DPP10: variants seen among roughly 807,000 people sequenced by gnomAD.
The protein encoded by DPP10 is dipeptidyl peptidase like 10, also known as inactive dipeptidyl peptidase 10.
In DPP10, 33 loss-of-function variants were observed where a neutral mutation model predicts 120.9. That is an observed-to-expected ratio of 0.27 (90% CI 0.21 to 0.37). The LOEUF (loss-of-function observed/expected upper bound fraction) is 0.37, where lower values mean the gene tolerates loss of function less well. Ranked by LOEUF, DPP10 falls within the 10% of genes least tolerant of loss-of-function variation. The pLI is 1.00. For missense variants in DPP10, 816 were observed against 942.8 expected, an observed-to-expected ratio of 0.87 and a Z score of 1.76; for synonymous variants, 337 against 326.1, an observed-to-expected ratio of 1.03 and a Z score of -0.36.
intron 3 of DPP10, among the ~76,000 whole-genome samples, chr2:115,399,123 G>T (rs1310700617): frequency 7.2e-5 from 11 of 152,048 alleles, no homozygotes; most frequent in Admixed American, 7.2e-4. Flanking sequence ...TTGTTTCATT[G>T]CTACTACTAT....
At chr2:114,541,982 A>AT (rs542917886) in intron 1 of DPP10, among the ~76,000 whole-genome samples, 27 of 150,442 alleles carry the variant, frequency 1.8e-4, no homozygotes, top group East Asian at 1.4e-3. Context: ...TCAATGGGAG[A>AT]TTTTTTTTAA....
intron 1 of DPP10, among the ~76,000 whole-genome samples, chr2:115,106,080 A>G (rs1359723252): frequency 3.3e-5 from 5 of 152,218 alleles, no homozygotes; most frequent in Non-Finnish European, 7.3e-5. Context: ...AATTTCCATC[A>G]CCTAAAACTG....
chr2:115,088,750 C>CAAA lies in DPP10; in HGVS notation c.61-220472_61-220470dup, dbSNP rs70941027. Among the ~76,000 whole-genome samples the CAAA allele has an allele frequency of 4.6e-5, 3 of 65,040 alleles. 1 individual carries two copies. Among genetic ancestry groups the CAAA allele is most frequent in the African/African-American group, 1.7e-4 (3 of 17,926 alleles). The allele number at this position is 65,040 out of a possible 152,430, so 42.7% of individuals were successfully genotyped here. A position where few individuals can be genotyped will look rare whatever the true frequency, so the allele number is the denominator to read the frequency against. On this transcript the variant is annotated intron_variant, in intron 1 of 25. Transcript: ENST00000410059. ...TACAGCTGTGAGCCACTGTGCCTGA[C>CAAA]AAAAAAAAAAAAAAAAAAACCAAAA...
intron 1 of DPP10, among the ~76,000 whole-genome samples, chr2:115,050,713 A>T (rs1705411021): frequency 6.6e-6 from 1 of 152,226 alleles, no homozygotes; most frequent in South Asian, 2.1e-4. Context: ...CGAAAAAGGC[A>T]TTAATCTCTC....
chr2:115,719,869 C>T (rs79789785), intron 7 of DPP10, among the ~76,000 whole-genome samples: 11,754 of 152,190 alleles, frequency 0.077, 629 homozygotes, highest in Non-Finnish European at 0.11. Context: ...AAACATCGTT[C>T]ACACTATTGA....
At chr2:115,157,036 C>A (rs1007845771) in intron 1 of DPP10, among the ~76,000 whole-genome samples, 1 of 151,984 alleles carries the variant, frequency 6.6e-6, no homozygotes, top group South Asian at 2.1e-4. Context: ...AAACACACAT[C>A]CCTTGTTGGG....
At chr2:115,145,272 C>T (rs2051160057) in intron 1 of DPP10, among the ~76,000 whole-genome samples, 1 of 152,132 alleles carries the variant, frequency 6.6e-6, no homozygotes, top group Non-Finnish European at 1.5e-5. Flanking sequence ...TTTCCTGTTC[C>T]TAAAAGTTTC....
chr2:114,513,708 G>A (rs1684361684), intron 1 of DPP10, among the ~76,000 whole-genome samples: 1 of 152,050 alleles, frequency 6.6e-6, no homozygotes, highest in African/African-American at 2.4e-5. Context: ...TAGATGACTA[G>A]CTAAGACCTT....
In DPP10 at chr2:115,808,761, C is replaced by G. The variant is rs560830774; in HGVS notation, c.1701-6032C>G. ...CTGAAGGTTTGACAATGGACAAAGTCTGAGAATAAAAATAGATGAGTACAA... is the reference window on the plus strand; with the variant it reads ...CTGAAGGTTTGACAATGGACAAAGTGTGAGAATAAAAATAGATGAGTACAA... On this transcript the variant is annotated intron_variant, in intron 19 of 25. Coordinates refer to ENST00000410059, the MANE Select transcript of DPP10 (RefSeq NM_020868.6). 2.6e-5 allele frequency among the ~76,000 whole-genome samples: 4 copies of G among 152,252 alleles called. No individual in the cohort carries two copies. In the South Asian group the frequency reaches 8.3e-4, roughly 32 times the overall value.
At position 115,712,942 on chromosome 2, in the gene DPP10, G is replaced by A. The variant is rs2149579518; in HGVS notation, c.577-14874G>A. 2.0e-5 allele frequency among the ~76,000 whole-genome samples: 3 copies of A among 152,044 alleles called. No individual in the cohort carries two copies. The Middle Eastern group carries it at 0.01, about 517-fold the overall frequency. ...CAAAAAGAGGAACAGACTAGATTCTGCCTATGTATCCTAGTGTGTTGAACA... is the reference window on the plus strand; with the variant it reads ...CAAAAAGAGGAACAGACTAGATTCTACCTATGTATCCTAGTGTGTTGAACA... On this transcript the variant is annotated intron_variant, in intron 7 of 25. Transcript: ENST00000410059.
intron 1 of DPP10, among the ~76,000 whole-genome samples, chr2:115,119,295 C>T (rs2049700496): frequency 1.3e-5 from 2 of 152,150 alleles, no homozygotes; most frequent in Non-Finnish European, 2.9e-5. Context: ...CATGCCTGAA[C>T]CCACTTGCTC....
rs115761975 is a variant in DPP10, at chr2:114,560,480, T to C, written c.60+117642T>C. The stretch of plus-strand genomic sequence containing the variant: ...AAACCAAAGATTTGTGAGGGAGAAG[T>C]TGGGGACCAGTGTCAGGTAGTCAGG... On this transcript the variant is annotated intron_variant, in intron 1 of 25. Coordinates refer to ENST00000410059, the MANE Select transcript of DPP10 (RefSeq NM_020868.6). 6.3e-3 allele frequency among the ~76,000 whole-genome samples: 961 copies of C among 152,218 alleles called. 14 individuals carry two copies. The highest frequency in any genetic ancestry group is 0.021 in the African/African-American group (873 of 41,538).
In DPP10 at chr2:114,928,038, A is replaced by G. The variant is rs367666827; in HGVS notation, c.61-381201A>G. Among the ~76,000 whole-genome samples, 30 of 152,314 alleles carry G rather than the reference A, an allele frequency of 2.0e-4. 1 individual carries two copies. The highest frequency in any genetic ancestry group is 1.5e-3 in the East Asian group (8 of 5,164). ...CACATAGGATCCACCTCCATGACCC[A>G]AACACCTCCCATGAGGCCCCACCTC... On this transcript the variant is annotated intron_variant, in intron 1 of 25. Transcript: ENST00000410059.
intron 1 of DPP10, among the ~76,000 whole-genome samples, chr2:115,246,825 T>A (rs2058556539): frequency 6.6e-6 from 1 of 152,144 alleles, no homozygotes; most frequent in Admixed American, 6.6e-5. Flanking sequence ...ACATCTACCA[T>A]GTTCACATCT....
chr2:114,586,420 C>T (rs1388954311), intron 1 of DPP10, among the ~76,000 whole-genome samples: 1 of 152,198 alleles, frequency 6.6e-6, no homozygotes, highest in Non-Finnish European at 1.5e-5. Context: ...TTACTCACTG[C>T]ATGATGTGGG....
At chr2:115,216,896 C>T (rs1032435345) in intron 1 of DPP10, among the ~76,000 whole-genome samples, 8 of 151,068 alleles carry the variant, frequency 5.3e-5, no homozygotes, top group African/African-American at 1.7e-4. Context: ...TATGTGTATA[C>T]GTATACACAT....
chr2:114,675,530 T>C (rs959820047), intron 1 of DPP10, among the ~76,000 whole-genome samples: 18 of 152,138 alleles, frequency 1.2e-4, no homozygotes, highest in African/African-American at 3.9e-4. Flanking sequence ...TCCAAACACA[T>C]GTAAGTGTTT....
At chr2:114,806,436 A>G (rs1028147479) in intron 1 of DPP10, among the ~76,000 whole-genome samples, 2 of 152,154 alleles carry the variant, frequency 1.3e-5, no homozygotes, top group African/African-American at 4.8e-5. Context: ...TTCTTACTAA[A>G]CCATTTTGAT....
At chr2:115,702,537 G>A (rs1025686129) in intron 7 of DPP10, among the ~76,000 whole-genome samples, 1 of 152,180 alleles carries the variant, frequency 6.6e-6, no homozygotes, top group Non-Finnish European at 1.5e-5. Flanking sequence ...AAGAAATGAA[G>A]CACTGATACG....
Sources: gnomAD v4.1 joint callset for allele counts (sites outside exome capture counted in the v4.1 genomes callset) on GRCh38, gnomAD v4.1.1 for gene constraint, MANE v1.5 for transcripts, NCBI Gene and HGNC (gene_info 2026-07-23, HGNC 2026-07-21) for gene names.